LRRC63: variants seen among roughly 807,000 people sequenced by gnomAD.
The protein encoded by LRRC63 is leucine-rich repeat-containing protein 63.
A neutral mutation model predicts 49.5 loss-of-function variants in LRRC63; 40 were observed. The observed-to-expected ratio is 0.81, with a 90% CI of 0.63 to 1.05. LRRC63 has a LOEUF of 1.05. Ranked by LOEUF, LRRC63 falls within the 50% of genes least tolerant of loss-of-function variation. LRRC63 has a pLI of 0.00. For synonymous variants in LRRC63, 191 were observed against 221.1 expected (o/e 0.86, Z 1.21); for missense variants, 636 against 663.1 (o/e 0.96, Z 0.45).
chr13:46,226,065 C>G (rs1259638272), intron 2 of LRRC63, among the ~76,000 whole-genome samples: 1 of 151,992 alleles, frequency 6.6e-6, no homozygotes, highest in Non-Finnish European at 1.5e-5. Flanking sequence ...CTCACTGCAG[C>G]CTCAATCTCC....
At chr13:46,227,656 A>G (rs982809951) in exon 3 of LRRC63, 19 of 1,550,234 alleles carry the variant, frequency 1.2e-5, no homozygotes, top group Non-Finnish European at 1.7e-5. Flanking sequence ...TTTCTTGATC[A>G]CTGTGTACAA....
At chr13:46,269,000 A>G (rs2047719205) in intron 9 of LRRC63, among the ~76,000 whole-genome samples, 2 of 152,118 alleles carry the variant, frequency 1.3e-5, no homozygotes, top group Admixed American at 6.5e-5. Context: ...CTGAAGCTTT[A>G]TAGAATAGTA....
chr13:46,241,266 C>A (rs1021887830), intron 5 of LRRC63, among the ~76,000 whole-genome samples: 2 of 152,114 alleles, frequency 1.3e-5, no homozygotes, highest in Non-Finnish European at 2.9e-5. Context: ...AACTGGCTAG[C>A]CATATGCAGA....
At chr13:46,234,041 A>T in intron 4 of LRRC63, 151 bp from the exon 5 acceptor site, 1 of 634,098 alleles carries the variant, frequency 1.6e-6, no homozygotes, top group Non-Finnish European at 2.5e-6. Context: ...GAGTTTGGGT[A>T]GATGAAGGCT....
At chr13:46,258,427 C>T (rs1455343687) in intron 7 of LRRC63, among the ~76,000 whole-genome samples, 1 of 151,338 alleles carries the variant, frequency 6.6e-6, no homozygotes, top group Non-Finnish European at 1.5e-5. Flanking sequence ...CCGCACCCAG[C>T]CCTGACCTAC....
At chr13:46,224,116 A>T (rs1205289492) in intron 2 of LRRC63, among the ~76,000 whole-genome samples, 2 of 152,070 alleles carry the variant, frequency 1.3e-5, no homozygotes, top group Non-Finnish European at 2.9e-5. Context: ...TAGACTTGGG[A>T]AGTTTTCTTC....
intron 8 of LRRC63, among the ~76,000 whole-genome samples, chr13:46,262,198 A>G (rs1279989162): frequency 6.6e-6 from 1 of 152,178 alleles, no homozygotes; most frequent in Non-Finnish European, 1.5e-5. Flanking sequence ...AAGAAAGTGC[A>G]GATGACTACT....
chr13:46,228,755 T>C (rs2046653237), intron 4 of LRRC63, 22 bp downstream of exon 4: 2 of 1,457,248 alleles, frequency 1.4e-6, no homozygotes, highest in East Asian at 2.5e-5. Context: ...ATTTATACAA[T>C]TCTTTTAGAA....
intron 7 of LRRC63, among the ~76,000 whole-genome samples, chr13:46,257,393 TGA>T (rs150378772): frequency 0.077 from 11,689 of 152,220 alleles, 1,479 homozygotes; most frequent in African/African-American, 0.27. Context: ...TTAATAAATC[TGA>T]GTTGTTGTAC....
At chr13:46,258,542 G>A (rs755197975) in intron 7 of LRRC63, among the ~76,000 whole-genome samples, 8 of 149,986 alleles carry the variant, frequency 5.3e-5, no homozygotes, top group Admixed American at 1.3e-4. Context: ...GGGCATGGTG[G>A]CTCACGCCTG....
intron 8 of LRRC63, among the ~76,000 whole-genome samples, chr13:46,264,644 C>T (rs2047658769): frequency 8.6e-6 from 1 of 116,774 alleles, no homozygotes; most frequent in South Asian, 3.1e-4. Context: ...ACTTTGTATC[C>T]ATCCCTCCAC....
chr13:46,212,980 T>G (rs2046136476), intron 1 of LRRC63, 22 bp from the exon 2 acceptor site: 1 of 1,201,770 alleles, frequency 8.3e-7, no homozygotes, highest in Non-Finnish European at 1.2e-6. Flanking sequence ...TCAAAACCTT[T>G]TCAATTCTCA....
In LRRC63 at chr13:46,227,276, A is replaced by C. The variant is rs150101953; in HGVS notation, c.86-236A>C. On this transcript the variant is annotated intron_variant, in intron 2 of 9. Transcript: ENST00000595396. ...CTACCAATTCTGTTCTTCCAAGAAT[A>C]GCTCTCTACCCTTTTAAAATCTAAT... Among the ~76,000 whole-genome samples, 91 of 152,302 alleles carry C rather than the reference A, an allele frequency of 6.0e-4. No individual in the cohort carries two copies. The Middle Eastern group carries it at 0.01, about 17-fold the overall frequency.
intron 9 of LRRC63, chr13:46,270,121 C>A: frequency 1.5e-6 from 1 of 669,604 alleles, no homozygotes; most frequent in South Asian, 1.7e-5. Context: ...TGCCTTTGTT[C>A]GTGGATCAAT....
rs372802031 is a variant in LRRC63 at position 46,265,116 on chromosome 13, G to A, written c.1311-1617G>A. On this transcript the variant is annotated intron_variant, in intron 8 of 9. Coordinates refer to ENST00000595396, the Ensembl canonical transcript of LRRC63. ...CAGAGCTTGCAGTGAGCCGAGATCA[G>A]GCCACTTCACTCCAGCCTGGGCAAC... is the stretch of plus-strand genomic sequence containing the variant. Among the ~76,000 whole-genome samples, 5 of 151,866 alleles carry A rather than the reference G, an allele frequency of 3.3e-5. No individual in the cohort carries two copies. In the East Asian group the frequency reaches 7.8e-4, roughly 24 times the overall value.
At chr13:46,250,328 T>C (rs1235984960) in intron 6 of LRRC63, 27 bp from the exon 7 acceptor site, 1 of 1,454,788 alleles carries the variant, frequency 6.9e-7, no homozygotes, top group Non-Finnish European at 9.3e-7. Context: ...ATTCCGCTCA[T>C]GTTTGTTTCT....
intron 2 of LRRC63, among the ~76,000 whole-genome samples, chr13:46,224,583 A>C (rs1305660046): frequency 6.6e-6 from 1 of 152,176 alleles, no homozygotes; most frequent in Non-Finnish European, 1.5e-5. Flanking sequence ...TTTGATTAAG[A>C]TCTATTACTG....
chr13:46,234,192 G>C (rs775244625), exon 5 of LRRC63: 2 of 1,546,868 alleles, frequency 1.3e-6, no homozygotes, highest in South Asian at 2.4e-5. Context: ...GTTTATTTAG[G>C]TCTCACCAAA....
At position 46,270,106 on chromosome 13, in the gene LRRC63, G is replaced by A. The variant is rs114381239; in HGVS notation, c.1550+3134G>A. ...CTACCGAGCGCCAAACCGCAGAGCCGGTGGTGCCTTTGTTCGTGGATCAAT... is the reference window on the plus strand; with the variant it reads ...CTACCGAGCGCCAAACCGCAGAGCCAGTGGTGCCTTTGTTCGTGGATCAAT... On this transcript the variant is annotated intron_variant, in intron 9 of 9. Coordinates refer to ENST00000595396, the Ensembl canonical transcript of LRRC63. 1,505 of 646,086 alleles carry A rather than the reference G, an allele frequency of 2.3e-3. 21 individuals carry two copies. The African/African-American group carries it at 0.024, about 10-fold the overall frequency. The allele number at this position is 646,086 out of a possible 1,614,324, so 40.0% of individuals were successfully genotyped here. A position where few individuals can be genotyped will look rare whatever the true frequency, so the allele number is the denominator to read the frequency against.
Sources: allele counts gnomAD v4.1 joint callset (sites outside exome capture counted in the v4.1 genomes callset), GRCh38; gene constraint gnomAD v4.1.1; transcripts MANE v1.5; gene names NCBI Gene and HGNC (gene_info 2026-07-23, HGNC 2026-07-21).